The following TMEM233 variants were observed in gnomAD, a reference collection of about 807,000 sequenced individuals.
The protein encoded by TMEM233 is transmembrane protein 233, also known as dispanin subfamily B member 2.
In TMEM233, 6 loss-of-function variants were observed where a neutral mutation model predicts 11.2. The observed-to-expected ratio is 0.54, with a 90% CI of 0.29 to 1.06. TMEM233 has a LOEUF of 1.06. Among genes scored for constraint, TMEM233 ranks in the 50% least tolerant of loss-of-function variants. TMEM233 has a pLI of 0.08. For missense variants in TMEM233, 127 were observed against 144.7 expected (o/e 0.88, Z 0.63); for synonymous variants, 59 against 55.8 (o/e 1.06, Z -0.26).
intron 1 of TMEM233, among the ~76,000 whole-genome samples, chr12:119,605,486 GGT>G (rs1954260828): frequency 7.6e-6 from 1 of 131,720 alleles, no homozygotes; most frequent in South Asian, 2.5e-4. Flanking sequence ...GGAGTGCAGT[GGT>G]ACAACCACAG....
the TMEM233 span, among the ~76,000 whole-genome samples, chr12:119,650,628 T>TTTGTTGTTG: frequency 2.1e-3 from 317 of 151,450 alleles, 1 homozygote; most frequent in African/African-American, 7.2e-3. Flanking sequence ...CTTATTTGAT[T>TTTGTTGTTG]TTGTTGTTGT....
At chr12:119,630,431 T>C (rs1322081589) in intron 2 of TMEM233, among the ~76,000 whole-genome samples, 2 of 152,230 alleles carry the variant, frequency 1.3e-5, no homozygotes, top group South Asian at 2.1e-4. Flanking sequence ...AAGGGCCAGA[T>C]AGTAAATCTT....
Position 119,642,942 on chromosome 12 carries a change from G to C in TMEM233, c.*2237G>C, listed in dbSNP as rs1268609412. 1 of 152,222 alleles carries C rather than the reference G, an allele frequency of 6.6e-6. No homozygotes were observed. The highest frequency in any genetic ancestry group is 1.5e-5 in the Non-Finnish European group (1 of 68,036). 9.4% of individuals were successfully genotyped at this position (152,222 alleles called of 1,614,324 possible). A position where few individuals can be genotyped will look rare whatever the true frequency, so the allele number is the denominator to read the frequency against. ...CAGAGATTCTAGCATCATTCCAATA[G>C]ATTGGACCCTGATTTCTGTTTCTGA... On this transcript the variant is annotated 3_prime_UTR_variant, in exon 3 of 3. Coordinates refer to ENST00000426426, the MANE Select transcript of TMEM233 (RefSeq NM_001136534.3).
chr12:119,624,371 A>T (rs903104364), intron 1 of TMEM233, among the ~76,000 whole-genome samples: 9 of 152,082 alleles, frequency 5.9e-5, no homozygotes, highest in African/African-American at 2.2e-4. Context: ...AAAAAAAAAA[A>T]ATTTTAATGA....
chr12:119,625,803 G>A (rs915886636), intron 1 of TMEM233, among the ~76,000 whole-genome samples: 2 of 151,966 alleles, frequency 1.3e-5, no homozygotes, highest in African/African-American at 2.4e-5. Flanking sequence ...AATGCAGCCT[G>A]TATCTTCTGT....
At chr12:119,613,881 G>A (rs922655887) in intron 1 of TMEM233, among the ~76,000 whole-genome samples, 7 of 152,092 alleles carry the variant, frequency 4.6e-5, no homozygotes, top group Non-Finnish European at 8.8e-5. Flanking sequence ...AGACCAGAAT[G>A]AGCAGATGCT....
At chr12:119,597,172 C>A (rs1001578995) in intron 1 of TMEM233, among the ~76,000 whole-genome samples, 7 of 152,170 alleles carry the variant, frequency 4.6e-5, no homozygotes, top group African/African-American at 1.7e-4. Flanking sequence ...TTCTGCCAGG[C>A]GTTTGCTTCC....
chr12:119,626,362 C>T (rs1405591832), intron 1 of TMEM233, among the ~76,000 whole-genome samples: 5 of 151,342 alleles, frequency 3.3e-5, no homozygotes, highest in Non-Finnish European at 7.4e-5. Flanking sequence ...CTCAGCTACT[C>T]AGGAGGCTGA....
chr12:119,602,530 T>C (rs996789848), intron 1 of TMEM233, among the ~76,000 whole-genome samples: 1 of 152,206 alleles, frequency 6.6e-6, no homozygotes, highest in Non-Finnish European at 1.5e-5. Context: ...CTGTCTGAAG[T>C]GTGTCATCAT....
At position 119,641,514 on chromosome 12, in the gene TMEM233, ACT is replaced by A. The variant is rs1168479173; in HGVS notation, c.*817_*818del. On this transcript the variant is annotated 3_prime_UTR_variant, in exon 3 of 3. Coordinates refer to ENST00000426426, the MANE Select transcript of TMEM233 (RefSeq NM_001136534.3). ...TGTGCTTTTTTTTTTTCAATTTCTC[ACT>A]CTCTCTCCTATCTCTAGCAAGTCTC... 6.7e-6 allele frequency: 1 copy of A among 149,258 alleles called. No homozygotes were observed. Among genetic ancestry groups the A allele is most frequent in the Non-Finnish European group, 1.5e-5 (1 of 67,312 alleles). 9.2% of individuals were successfully genotyped at this position (149,258 alleles called of 1,614,324 possible). A position where few individuals can be genotyped will look rare whatever the true frequency, so the allele number is the denominator to read the frequency against.
In TMEM233 at chr12:119,640,857, A is replaced by AG; in HGVS notation, c.*152_*153insG. 2.4e-6 allele frequency: 1 copy of AG among 415,120 alleles called. No individual in the cohort carries two copies. The highest frequency in any genetic ancestry group is 3.3e-6 in the Non-Finnish European group (1 of 306,786). 25.7% of individuals were successfully genotyped at this position (415,120 alleles called of 1,614,324 possible). The stretch of plus-strand genomic sequence containing the variant: ...GGCAGGTCCCTGGCAAATGAACAAG[A>AG]AAAAAAAAAAAAAAAAGTCCAAAAT... On this transcript the variant is annotated 3_prime_UTR_variant, in exon 3 of 3. Coordinates refer to ENST00000426426, the MANE Select transcript of TMEM233 (RefSeq NM_001136534.3).
At chr12:119,605,409 CTTTTTTTTTTTTT>C (rs6144897) in intron 1 of TMEM233, among the ~76,000 whole-genome samples, 11 of 93,646 alleles carry the variant, frequency 1.2e-4, no homozygotes, top group South Asian at 4.4e-4. Flanking sequence ...TATGCCTTTC[CTTTTTTTTTTTTT>C]TTTTTTTTTT....
intron 1 of TMEM233, among the ~76,000 whole-genome samples, chr12:119,622,244 A>G (rs1422889674): frequency 2.0e-5 from 3 of 152,226 alleles, no homozygotes; most frequent in Non-Finnish European, 4.4e-5. Flanking sequence ...GAAAAAATCT[A>G]GAATCAGATG....
chr12:119,612,750 CAA>C (rs35540796), intron 1 of TMEM233, among the ~76,000 whole-genome samples: 37,566 of 108,462 alleles, frequency 0.35, 6,140 homozygotes, highest in Middle Eastern at 0.44. Flanking sequence ...GACTCCGTCT[CAA>C]AAAAAAAAAA....
At chr12:119,637,697 G>T (rs141307441) in intron 2 of TMEM233, among the ~76,000 whole-genome samples, 104 of 152,264 alleles carry the variant, frequency 6.8e-4, no homozygotes, top group African/African-American at 2.5e-3. Flanking sequence ...GTCTTTCTCT[G>T]TTGGTTCAGA....
chr12:119,609,699 C>T (rs1399150392), intron 1 of TMEM233, among the ~76,000 whole-genome samples: 1 of 152,246 alleles, frequency 6.6e-6, no homozygotes, highest in Non-Finnish European at 1.5e-5. Context: ...TGGGGGCTCC[C>T]ACATCGTGCT....
At chr12:119,643,932 C>T (rs550062091), downstream of TMEM233, among the ~76,000 whole-genome samples, 14 of 152,210 alleles carry the variant, frequency 9.2e-5, no homozygotes, top group East Asian at 1.9e-3. Context: ...TTTTTGGGAA[C>T]GTGTCCCTTT....
At chr12:119,601,762 G>C (rs1394078541) in intron 1 of TMEM233, among the ~76,000 whole-genome samples, 1 of 151,930 alleles carries the variant, frequency 6.6e-6, no homozygotes, top group Non-Finnish European at 1.5e-5. Context: ...GTTCAAGGGA[G>C]AGAGAAAAAT....
chr12:119,601,156 C>T (rs1383606694), intron 1 of TMEM233, among the ~76,000 whole-genome samples: 2 of 151,868 alleles, frequency 1.3e-5, no homozygotes, highest in African/African-American at 2.4e-5. Context: ...CAGAACTGAA[C>T]GCATGAATTT....
Sources: allele counts gnomAD v4.1 joint callset (sites outside exome capture counted in the v4.1 genomes callset), GRCh38; gene constraint gnomAD v4.1.1; transcripts MANE v1.5; gene names NCBI Gene and HGNC (gene_info 2026-07-23, HGNC 2026-07-21).